Variants in SHISA9 observed in about 807,000 individuals in gnomAD.
SHISA9 encodes the protein shisa family member 9.
SHISA9 carries 13 observed loss-of-function variants against 38.0 expected under a neutral mutation model. That is an observed-to-expected ratio of 0.34 (90% CI 0.22 to 0.54). The LOEUF (loss-of-function observed/expected upper bound fraction) is 0.54. Among genes scored for constraint, SHISA9 ranks in the 20% least tolerant of loss-of-function variants. The probability of loss-of-function intolerance (pLI) is 0.91; values close to 1 mark genes in which losing one functional copy is unlikely to be tolerated. For synonymous variants in SHISA9, 275 were observed against 242.0 expected (o/e 1.14, Z -1.27); for missense variants, 538 against 575.8 (o/e 0.93, Z 0.67).
the SHISA9 span, among the ~76,000 whole-genome samples, chr16:13,552,526 T>G: frequency 3.3e-5 from 5 of 151,746 alleles, no homozygotes; most frequent in Middle Eastern, 3.2e-3. Flanking sequence ...CCTTAGCTGA[T>G]TTCATCCCTG....
the SHISA9 span, among the ~76,000 whole-genome samples, chr16:13,499,677 C>CTGTA: frequency 9.9e-5 from 15 of 152,250 alleles, no homozygotes; most frequent in South Asian, 2.1e-4. Flanking sequence ...GTCACAGTGA[C>CTGTA]TGTACTGTTT....
intron 2 of SHISA9, among the ~76,000 whole-genome samples, chr16:13,090,325 T>C (rs1478799540): frequency 6.6e-6 from 1 of 152,156 alleles, no homozygotes; most frequent in East Asian, 1.9e-4. Context: ...GGTCTCCTTT[T>C]TGCAGAGCTG....
chr16:13,125,361 T>A (rs764893112), intron 2 of SHISA9, among the ~76,000 whole-genome samples: 1 of 152,200 alleles, frequency 6.6e-6, no homozygotes, highest in Non-Finnish European at 1.5e-5. Context: ...TGGGATGAGG[T>A]GTCCTGGGTG....
At chr16:13,055,820 T>C (rs1444297482) in intron 2 of SHISA9, among the ~76,000 whole-genome samples, 2 of 152,230 alleles carry the variant, frequency 1.3e-5, no homozygotes, top group East Asian at 3.8e-4. Flanking sequence ...CCGAGATGTA[T>C]TGTTTTTTAA....
chr16:12,965,935 C>T (rs1567355022), intron 2 of SHISA9, among the ~76,000 whole-genome samples: 1 of 152,290 alleles, frequency 6.6e-6, no homozygotes, highest in African/African-American at 2.4e-5. Flanking sequence ...GAACAGGGGA[C>T]ATTTTCTTAA....
chr16:13,113,052 A>G (rs1375710586), intron 2 of SHISA9, among the ~76,000 whole-genome samples: 1 of 151,934 alleles, frequency 6.6e-6, no homozygotes, highest in East Asian at 1.9e-4. Context: ...TCTATTAAAA[A>G]TACAAAAATT....
At chr16:12,966,186 G>A (rs1383720284) in intron 2 of SHISA9, among the ~76,000 whole-genome samples, 1 of 152,208 alleles carries the variant, frequency 6.6e-6, no homozygotes, top group Non-Finnish European at 1.5e-5. Context: ...ACCACTGGCT[G>A]AAACTGAATG....
chr16:12,913,928 G>C (rs77519143), intron 1 of SHISA9, among the ~76,000 whole-genome samples: 1,535 of 151,972 alleles, frequency 0.01, 30 homozygotes, highest in African/African-American at 0.035. Context: ...CATTCAGGTT[G>C]TTTCCGCTTG....
chr16:13,404,264 A>T, the SHISA9 span, among the ~76,000 whole-genome samples: 10 of 152,198 alleles, frequency 6.6e-5, no homozygotes, highest in African/African-American at 2.4e-4. Flanking sequence ...TATCACAGAG[A>T]TTACAGTCTA....
At chr16:13,535,881 G>T in the SHISA9 span, among the ~76,000 whole-genome samples, 2 of 152,132 alleles carry the variant, frequency 1.3e-5, no homozygotes, top group Non-Finnish European at 2.9e-5. Context: ...GAATAATCTG[G>T]ATCTGCTAAC....
the SHISA9 span, among the ~76,000 whole-genome samples, chr16:13,483,612 C>T: frequency 6.6e-6 from 1 of 151,996 alleles, no homozygotes; most frequent in African/African-American, 2.4e-5. Flanking sequence ...TGACTTTCCC[C>T]AGCCCTCCTC....
At chr16:13,312,084 A>G in the SHISA9 span, among the ~76,000 whole-genome samples, 1 of 152,216 alleles carries the variant, frequency 6.6e-6, no homozygotes, top group African/African-American at 2.4e-5. Flanking sequence ...CTTTAGGCTT[A>G]TTCTTCAAAA....
intron 2 of SHISA9, among the ~76,000 whole-genome samples, chr16:12,995,507 A>T (rs1208893246): frequency 2.6e-5 from 4 of 152,184 alleles, no homozygotes; most frequent in African/African-American, 9.7e-5. Flanking sequence ...TATAGACCAC[A>T]CTTTGAGAGA....
chr16:13,043,042 C>T (rs1175650680), intron 2 of SHISA9, among the ~76,000 whole-genome samples: 2 of 152,118 alleles, frequency 1.3e-5, no homozygotes, highest in Admixed American at 6.6e-5. Flanking sequence ...AAGTTCAATT[C>T]GGGGTGCCTG....
At chr16:13,292,922 A>C in the SHISA9 span, among the ~76,000 whole-genome samples, 1 of 152,186 alleles carries the variant, frequency 6.6e-6, no homozygotes, top group Non-Finnish European at 1.5e-5. Flanking sequence ...CTTTAGCAGA[A>C]AAACCAGTAT....
At chr16:13,232,692 G>A (rs763660137) in intron 4 of SHISA9, among the ~76,000 whole-genome samples, 1 of 152,156 alleles carries the variant, frequency 6.6e-6, no homozygotes, top group South Asian at 2.1e-4. Flanking sequence ...AATTCGAAGG[G>A]GATGGTGAGT....
At chr16:13,372,830 C>CTTT in the SHISA9 span, among the ~76,000 whole-genome samples, 3 of 149,212 alleles carry the variant, frequency 2.0e-5, no homozygotes, top group Non-Finnish European at 3.0e-5. Context: ...GTTTCTTAAC[C>CTTT]TTTTTTTTTT....
At chr16:13,384,785 T>G in the SHISA9 span, among the ~76,000 whole-genome samples, 1 of 152,242 alleles carries the variant, frequency 6.6e-6, no homozygotes, top group Non-Finnish European at 1.5e-5. Flanking sequence ...TTTAAATACA[T>G]TTGGCATGAA....
chr16:13,126,017 A>G (rs564976130), intron 2 of SHISA9, among the ~76,000 whole-genome samples: 3 of 152,342 alleles, frequency 2.0e-5, no homozygotes, highest in African/African-American at 7.2e-5. Flanking sequence ...AATGGCCATC[A>G]ATATTTGCAA....
Sources: allele counts gnomAD v4.1 joint callset (sites outside exome capture counted in the v4.1 genomes callset), GRCh38; gene constraint gnomAD v4.1.1; transcripts MANE v1.5; gene names NCBI Gene and HGNC (gene_info 2026-07-23, HGNC 2026-07-21).